Variants in PIWIL4 observed in about 807,000 individuals in gnomAD.
The protein encoded by PIWIL4 is piwi like RNA-mediated gene silencing 4, also known as piwi-like protein 4.
Under a neutral mutation model 100.9 loss-of-function variants are expected in PIWIL4, and 50 were observed. That is an observed-to-expected ratio of 0.50 (90% CI 0.39 to 0.63). The LOEUF is 0.63. PIWIL4 is among the 20% of genes least tolerant of loss of function. The pLI is 0.00. For synonymous variants in PIWIL4, 342 were observed against 367.5 expected, an observed-to-expected ratio of 0.93 and a Z score of 0.79; for missense variants, 887 against 1,043.3, an observed-to-expected ratio of 0.85 and a Z score of 2.06.
chr11:94,590,857 C>T (rs918827425), intron 8 of PIWIL4, among the ~76,000 whole-genome samples: 1 of 152,150 alleles, frequency 6.6e-6, no homozygotes, highest in East Asian at 1.9e-4. Flanking sequence ...TCACTGTGAT[C>T]CCTCACCCTC....
chr11:94,568,875 G>C, intron 2 of PIWIL4, 67 bp downstream of exon 2: 3 of 1,418,664 alleles, frequency 2.1e-6, no homozygotes, highest in Non-Finnish European at 9.9e-7. Context: ...AGCCCTGCCA[G>C]GCCTTACAGC....
In PIWIL4 at chr11:94,620,969, GCCAA is replaced by G. The variant is rs1948898969; in HGVS notation, c.2540_2543del (p.Asn847IlefsTer14). ...TCATAAAGAACCCAGTCTGGAATTA[GCCAA>G]CCATCTCTTCTACCTGTGATGGCAT... On this transcript the variant is annotated frameshift_variant, in exon 20 of 20. Transcript: ENST00000299001. LOFTEE classifies it high-confidence loss of function. 1 of 1,613,192 alleles carries G rather than the reference GCCAA, an allele frequency of 6.2e-7. No individual in the cohort carries two copies. The highest frequency in any genetic ancestry group is 8.5e-7 in the Non-Finnish European group (1 of 1,179,488).
intron 13 of PIWIL4, among the ~76,000 whole-genome samples, chr11:94,604,400 G>T (rs1469371987): frequency 6.6e-6 from 1 of 152,124 alleles, no homozygotes; most frequent in Non-Finnish European, 1.5e-5. Flanking sequence ...TATTTCAGGG[G>T]ATTCTTGGAG....
At chr11:94,587,714 G>A (rs991938173) in intron 7 of PIWIL4, among the ~76,000 whole-genome samples, 1 of 152,182 alleles carries the variant, frequency 6.6e-6, no homozygotes, top group African/African-American at 2.4e-5. Context: ...TGGCTACCTT[G>A]TTGTGGCCAT....
At chr11:94,611,538 A>C (rs769015714) in intron 15 of PIWIL4, among the ~76,000 whole-genome samples, 1 of 150,858 alleles carries the variant, frequency 6.6e-6, no homozygotes, top group Non-Finnish European at 1.5e-5. Flanking sequence ...TGATTGATAT[A>C]GTTTGTTCAA....
At chr11:94,569,730 AT>A (rs1948123040) in intron 2 of PIWIL4, among the ~76,000 whole-genome samples, 1 of 145,290 alleles carries the variant, frequency 6.9e-6, no homozygotes, top group South Asian at 2.4e-4. Context: ...CAAATCCTGC[AT>A]GTTCTTACTT....
At chr11:94,598,044 A>G in intron 11 of PIWIL4, 129 bp downstream of exon 11, 1 of 653,172 alleles carries the variant, frequency 1.5e-6, no homozygotes, top group Middle Eastern at 3.0e-4. Context: ...TCTTTATCCT[A>G]AGACTTCAGA....
At chr11:94,611,770 C>G (rs1469175681) in intron 15 of PIWIL4, among the ~76,000 whole-genome samples, 4 of 152,164 alleles carry the variant, frequency 2.6e-5, no homozygotes, top group Admixed American at 1.3e-4. Flanking sequence ...CCCTGGCCCC[C>G]CTTTGCCTTT....
At position 94,595,162 on chromosome 11, in the gene PIWIL4, C is replaced by G. The variant is rs1591792305; in HGVS notation, c.1151-147C>G. 4 of 594,334 alleles carry G rather than the reference C, an allele frequency of 6.7e-6. No homozygotes were observed. The East Asian group carries it at 1.1e-4, about 16-fold the overall frequency. The allele number at this position is 594,334 out of a possible 1,614,324, so 36.8% of individuals were successfully genotyped here. On this transcript the variant is annotated intron_variant, in intron 9 of 19. Coordinates refer to ENST00000299001, the MANE Select transcript of PIWIL4 (RefSeq NM_152431.3). ...TTTTCTTAATGTGGCTACCAGAAAA[C>G]TTAAAATGACATACGTGGTTTTCAT...
chr11:94,583,485 C>A lies in PIWIL4; in HGVS notation c.551C>A (p.Thr184Asn), dbSNP rs1352090885. The stretch of plus-strand genomic sequence containing the variant: ...TCAAGTGAAACTCAAAGAGGTGAGA[C>A]TATAAAGATGACTATCACCCTGAAG... Reference protein sequence around the residue: ...ELSSETQRGETIKMTITLKRE... With the variant: ...ELSSETQRGENIKMTITLKRE... The change falls in exon 5 of 20, where the codon ACT becomes AAT. Residue 184 changes from threonine to asparagine, a missense_variant. By Grantham distance (65) the Thr-to-Asn change is moderately conservative. Coordinates refer to ENST00000299001, the MANE Select transcript of PIWIL4 (RefSeq NM_152431.3). 6.2e-7 allele frequency: 1 copy of A among 1,613,672 alleles called. No homozygotes were observed. Among genetic ancestry groups the A allele is most frequent in the Non-Finnish European group, 8.5e-7 (1 of 1,179,716 alleles).
At chr11:94,619,368 T>C (rs1233113913) in intron 17 of PIWIL4, among the ~76,000 whole-genome samples, 1 of 152,222 alleles carries the variant, frequency 6.6e-6, no homozygotes, top group Non-Finnish European at 1.5e-5. Context: ...CTTCCTTTGC[T>C]ACTTGGAAAT....
chr11:94,595,107 C>T lies in PIWIL4; in HGVS notation c.1151-202C>T, dbSNP rs564331041. The stretch of plus-strand genomic sequence containing the variant: ...ACTGGGCTAAATAATATACACTATT[C>T]AAAGTAATTTCGTCTGTTTCTTTTT... On this transcript the variant is annotated intron_variant, in intron 9 of 19. Coordinates refer to ENST00000299001, the MANE Select transcript of PIWIL4 (RefSeq NM_152431.3). 4.6e-5 allele frequency among the ~76,000 whole-genome samples: 7 copies of T among 152,294 alleles called. No homozygotes were observed. In the South Asian group the frequency reaches 1.2e-3, roughly 27 times the overall value.
chr11:94,596,678 T>C (rs942819817), intron 10 of PIWIL4, among the ~76,000 whole-genome samples: 1 of 152,216 alleles, frequency 6.6e-6, no homozygotes, highest in Non-Finnish European at 1.5e-5. Context: ...TCCTGGTTCG[T>C]TTCCCTTATA....
chr11:94,575,769 C>T (rs1172336043), intron 3 of PIWIL4, among the ~76,000 whole-genome samples: 1 of 152,278 alleles, frequency 6.6e-6, no homozygotes, highest in Non-Finnish European at 1.5e-5. Flanking sequence ...ATTAAACATG[C>T]GATTCACCTC....
Position 94,616,543 on chromosome 11 carries a change from G to C in PIWIL4, c.1994G>C (p.Cys665Ser), listed in dbSNP as rs752955419. 6.8e-6 allele frequency: 11 copies of C among 1,607,922 alleles called. No individual in the cohort carries two copies. The South Asian group carries it at 1.2e-4, about 18-fold the overall frequency. ...AGAACAATGACTGATGTTGCAGATT[G>C]CTTGAAAGTTTTCATGACTGGTACT... is the stretch of plus-strand genomic sequence containing the variant. ...LQRTMTDVAD[C>S]LKVFMTGALN... The change falls in exon 16 of 20, where the codon TGC (cysteine) becomes TCC (serine). Residue 665 changes from cysteine (C) to serine (S), a missense_variant. By Grantham distance (112) the Cys-to-Ser change is moderately radical. Around this residue, in one of 2 missense-constraint regions of PIWIL4, gnomAD observed 741 missense variants for 930.0 expected, o/e 0.80. Transcript: ENST00000299001.
chr11:94,608,415 C>G, intron 14 of PIWIL4, 168 bp from the exon 15 acceptor site: 2 of 580,106 alleles, frequency 3.4e-6, no homozygotes, highest in South Asian at 4.5e-5. Flanking sequence ...TTAAGTCTCT[C>G]TCATTTCTGG....
intron 3 of PIWIL4, among the ~76,000 whole-genome samples, chr11:94,576,493 AAG>A (rs940151083): frequency 2.6e-5 from 4 of 152,166 alleles, no homozygotes; most frequent in Non-Finnish European, 5.9e-5. Context: ...GGGAAGTGAG[AAG>A]AACCTCCTTT....
chr11:94,587,062 G>A lies in PIWIL4; in HGVS notation c.729G>A (p.Trp243Ter), dbSNP rs747518585. The A allele has an allele frequency of 5.0e-6, 8 of 1,610,792 alleles. No homozygotes were observed. Among genetic ancestry groups the A allele is most frequent in the Non-Finnish European group, 6.8e-6 (8 of 1,177,502 alleles). The change falls in exon 7 of 20, where the codon TGG (tryptophan) becomes TGA (stop). Residue 243 changes from tryptophan to a stop codon, truncating the protein, a stop_gained. Transcript: ENST00000299001. LOFTEE classifies it high-confidence loss of function. ...MEIPQHKLSLWPGFAISVSYF... is the reference protein window; with the variant it reads ...MEIPQHKLSL ...TTTGTTTTTAAAGATTATCCCTTTGGCCTGGGTTTGCCATTTCTGTGTCAT... is the reference window on the plus strand; with the variant it reads ...TTTGTTTTTAAAGATTATCCCTTTGACCTGGGTTTGCCATTTCTGTGTCAT...
At chr11:94,602,215 C>G (rs1451150424) in intron 12 of PIWIL4, among the ~76,000 whole-genome samples, 1 of 152,124 alleles carries the variant, frequency 6.6e-6, no homozygotes, top group Admixed American at 6.6e-5. Context: ...AGTGTCATTA[C>G]CTGAAAATCT....
Sources: allele counts gnomAD v4.1 joint callset (sites outside exome capture counted in the v4.1 genomes callset), GRCh38; gene constraint gnomAD v4.1.1; regional missense constraint gnomAD v4.1.1; transcripts MANE v1.5; gene names NCBI Gene and HGNC (gene_info 2026-07-23, HGNC 2026-07-21).